Variants in KIF16B observed in about 807,000 individuals in gnomAD.
The protein encoded by KIF16B is kinesin family member 16B, also known as kinesin-like protein KIF16B.
A neutral mutation model predicts 156.3 loss-of-function variants in KIF16B; 98 were observed. The ratio of observed to expected loss-of-function variants is 0.63; its 90% CI spans 0.53 to 0.74. The LOEUF (loss-of-function observed/expected upper bound fraction) is 0.74. KIF16B is among the 30% of genes least tolerant of loss of function. The pLI is 0.00. For missense variants in KIF16B, 1,421 were observed against 1,606.5 expected (o/e 0.88, Z 1.97); for synonymous variants, 564 against 583.7 (o/e 0.97, Z 0.49).
chr20:16,329,810 A>G (rs1407612091), intron 24 of KIF16B, among the ~76,000 whole-genome samples: 1 of 152,224 alleles, frequency 6.6e-6, no homozygotes, highest in Non-Finnish European at 1.5e-5. Context: ...ATTAAAGAAA[A>G]TGAATAAATA....
intron 16 of KIF16B, among the ~76,000 whole-genome samples, chr20:16,405,538 C>T (rs561550704): frequency 1.3e-5 from 2 of 152,246 alleles, no homozygotes; most frequent in African/African-American, 2.4e-5. Context: ...TCGGGCATCC[C>T]TTATAAAGGA....
At chr20:16,458,610 G>T (rs1453398136) in intron 12 of KIF16B, among the ~76,000 whole-genome samples, 1 of 152,050 alleles carries the variant, frequency 6.6e-6, no homozygotes, top group Non-Finnish European at 1.5e-5. Flanking sequence ...GAAACATGAG[G>T]CTTAACAAAA....
chr20:16,311,087 G>A (rs1413915259), intron 25 of KIF16B, among the ~76,000 whole-genome samples: 1 of 152,212 alleles, frequency 6.6e-6, no homozygotes, highest in Non-Finnish European at 1.5e-5. Context: ...CACCAGCAAT[G>A]AGAATACCTA....
At chr20:16,437,512 A>G (rs1486381321) in intron 12 of KIF16B, among the ~76,000 whole-genome samples, 1 of 152,196 alleles carries the variant, frequency 6.6e-6, no homozygotes, top group Non-Finnish European at 1.5e-5. Flanking sequence ...TGGGATTAGA[A>G]TGGAAGTGAC....
At chr20:16,558,897 C>CA (rs11478258) in intron 1 of KIF16B, among the ~76,000 whole-genome samples, 5,253 of 61,262 alleles carry the variant, frequency 0.086, 246 homozygotes, top group Non-Finnish European at 0.12. Flanking sequence ...GAGCAAGACT[C>CA]AAAAAAAAAA....
In KIF16B at chr20:16,480,683, T is replaced by C. The variant is rs957810354; in HGVS notation, c.1302+13608A>G. Reference sequence around the variant, plus strand: ...GAGGAAAGAGCTAGGAAGCTGGCAATGTCTACACATCTTAATCTGGGTGTG... The same window carrying C: ...GAGGAAAGAGCTAGGAAGCTGGCAACGTCTACACATCTTAATCTGGGTGTG... On this transcript the variant is annotated intron_variant, in intron 12 of 25. Coordinates refer to ENST00000354981, the MANE Select transcript of KIF16B (RefSeq NM_024704.5). Among the ~76,000 whole-genome samples, 3 of 152,266 alleles carry C rather than the reference T, an allele frequency of 2.0e-5. No individual in the cohort carries two copies. The South Asian group carries it at 6.2e-4, about 32-fold the overall frequency.
intron 17 of KIF16B, among the ~76,000 whole-genome samples, chr20:16,385,265 T>G (rs138472568): frequency 6.6e-6 from 1 of 152,082 alleles, no homozygotes; most frequent in East Asian, 1.9e-4. Context: ...AAATGTATTA[T>G]CCTGGTGAGA....
At chr20:16,290,936 C>T (rs978127895) in intron 25 of KIF16B, among the ~76,000 whole-genome samples, 5 of 152,054 alleles carry the variant, frequency 3.3e-5, no homozygotes, top group African/African-American at 7.3e-5. Flanking sequence ...TTAAAAAGTT[C>T]CTTTTTCAAA....
At chr20:16,552,401 A>C (rs892893984) in intron 1 of KIF16B, among the ~76,000 whole-genome samples, 1 of 152,234 alleles carries the variant, frequency 6.6e-6, no homozygotes, top group Admixed American at 6.5e-5. Flanking sequence ...ACACGCAGCC[A>C]TTATGAGCTT....
chr20:16,550,670 A>T (rs113565229), intron 1 of KIF16B, among the ~76,000 whole-genome samples: 4 of 151,384 alleles, frequency 2.6e-5, no homozygotes, highest in African/African-American at 9.7e-5. Context: ...AGTAGCTAAG[A>T]CTACAGGTAC....
At chr20:16,301,780 G>A (rs997422319) in intron 25 of KIF16B, among the ~76,000 whole-genome samples, 12 of 152,070 alleles carry the variant, frequency 7.9e-5, no homozygotes, top group Non-Finnish European at 1.3e-4. Context: ...CTCCCAAGTA[G>A]CTGGGATTAC....
intron 12 of KIF16B, among the ~76,000 whole-genome samples, chr20:16,460,991 T>C (rs1245813944): frequency 1.3e-5 from 2 of 152,146 alleles, no homozygotes; most frequent in African/African-American, 4.8e-5. Context: ...ATGTGTAAGA[T>C]GCTGCCAAAT....
intron 17 of KIF16B, chr20:16,382,108 T>C (rs765740196): frequency 2.2e-6 from 3 of 1,355,606 alleles, no homozygotes; most frequent in African/African-American, 2.9e-5. Context: ...CTTAGACAGA[T>C]GGGTCCTTTT....
intron 14 of KIF16B, among the ~76,000 whole-genome samples, chr20:16,427,732 T>G (rs1352477353): frequency 6.6e-6 from 1 of 151,988 alleles, no homozygotes; most frequent in African/African-American, 2.4e-5. Flanking sequence ...ACATGAATCT[T>G]GAAAAGCCCA....
chr20:16,395,087 A>G (rs1600281164), intron 17 of KIF16B, among the ~76,000 whole-genome samples: 1 of 150,028 alleles, frequency 6.7e-6, no homozygotes, highest in African/African-American at 2.5e-5. Flanking sequence ...AGTACAACAA[A>G]GGGCATACCC....
rs764410129 is a variant in KIF16B at position 16,428,956 on chromosome 20, T to C, written c.1471A>G (p.Ile491Val). 3.7e-6 allele frequency: 6 copies of C among 1,613,230 alleles called. No homozygotes were observed. The highest frequency in any genetic ancestry group is 2.2e-5 in the East Asian group (1 of 44,832). ...GATCACTGATAAATATGCTCACCAA[T>C]ATCTTGCTCCGTGGAAGCATCGTCT... ...GRDDASTEQD[I>V]VLHGLDLESE... The change falls in exon 14 of 26, where the codon ATT (isoleucine) becomes GTT (valine). Residue 491 changes from isoleucine to valine, a missense_variant. By Grantham distance (29) the Ile-to-Val change is conservative. Transcript: ENST00000354981.
chr20:16,521,724 T>C (rs963318581), intron 3 of KIF16B, among the ~76,000 whole-genome samples: 2 of 152,080 alleles, frequency 1.3e-5, no homozygotes, highest in East Asian at 3.9e-4. Context: ...AATCGTCAGA[T>C]TCACCAAGGT....
At chr20:16,454,549 CTTATT>C (rs1364665131) in intron 12 of KIF16B, among the ~76,000 whole-genome samples, 2 of 151,832 alleles carry the variant, frequency 1.3e-5, no homozygotes, top group Non-Finnish European at 2.9e-5. Flanking sequence ...ACATTTATTA[CTTATT>C]TGATTTATTT....
At chr20:16,525,878 G>GA (rs571456847) in intron 3 of KIF16B, among the ~76,000 whole-genome samples, 14 of 150,390 alleles carry the variant, frequency 9.3e-5, no homozygotes, top group Non-Finnish European at 2.1e-4. Context: ...GCTCAAAGGT[G>GA]AAAAAAAAAT....
Sources: allele counts gnomAD v4.1 joint callset (sites outside exome capture counted in the v4.1 genomes callset), GRCh38; gene constraint gnomAD v4.1.1; transcripts MANE v1.5; gene names NCBI Gene and HGNC (gene_info 2026-07-23, HGNC 2026-07-21).